KCNH8: variants seen among roughly 807,000 people sequenced by gnomAD.
KCNH8 encodes the protein potassium voltage-gated channel subfamily H member 8, also known as voltage-gated delayed rectifier potassium channel KCNH8.
In KCNH8, 70 loss-of-function variants were observed where a neutral mutation model predicts 103.6. That is an observed-to-expected ratio of 0.68 (90% CI 0.56 to 0.82). KCNH8 has a LOEUF of 0.82. Among genes scored for constraint, KCNH8 ranks in the 40% least tolerant of loss-of-function variants. KCNH8 has a pLI of 0.00. For synonymous variants in KCNH8, 498 were observed against 489.4 expected, an observed-to-expected ratio of 1.02 and a Z score of -0.23; for missense variants, 1,217 against 1,329.9, an observed-to-expected ratio of 0.92 and a Z score of 1.32.
intron 1 of KCNH8, among the ~76,000 whole-genome samples, chr3:19,223,264 C>T (rs184497314): frequency 7.2e-5 from 11 of 152,224 alleles, no homozygotes; most frequent in East Asian, 1.9e-4. Context: ...AAGGTCTCAA[C>T]GTAAAATTAA....
chr3:19,323,686 A>G (rs2065381699), intron 3 of KCNH8, among the ~76,000 whole-genome samples: 1 of 152,112 alleles, frequency 6.6e-6, no homozygotes, highest in African/African-American at 2.4e-5. Flanking sequence ...TTTTTGTCCC[A>G]CAGGATGCTC....
intron 11 of KCNH8, among the ~76,000 whole-genome samples, chr3:19,464,563 A>G (rs370038571): frequency 3.2e-3 from 486 of 152,314 alleles, no homozygotes; most frequent in Middle Eastern, 0.014. Flanking sequence ...ATTCATCAAA[A>G]GACAGCAGTA....
intron 5 of KCNH8, among the ~76,000 whole-genome samples, chr3:19,372,631 A>G (rs544240267): frequency 2.0e-5 from 3 of 152,156 alleles, no homozygotes; most frequent in Non-Finnish European, 2.9e-5. Flanking sequence ...TGCCCTGGCC[A>G]GAACTTCCAA....
intron 10 of KCNH8, among the ~76,000 whole-genome samples, chr3:19,454,647 C>A (rs1227155150): frequency 6.6e-6 from 1 of 152,066 alleles, no homozygotes; most frequent in Non-Finnish European, 1.5e-5. Context: ...CATTGCTAGT[C>A]AAATATGATT....
intron 1 of KCNH8, among the ~76,000 whole-genome samples, chr3:19,161,013 A>T (rs1284784584): frequency 6.6e-6 from 1 of 152,164 alleles, no homozygotes; most frequent in Non-Finnish European, 1.5e-5. Context: ...TAAAAGAGTG[A>T]GAAGAGGAAA....
intron 11 of KCNH8, among the ~76,000 whole-genome samples, chr3:19,510,154 T>C (rs1229159057): frequency 6.6e-6 from 1 of 152,156 alleles, no homozygotes; most frequent in Non-Finnish European, 1.5e-5. Context: ...GTAGTGGTCC[T>C]AGAGGATAGG....
At chr3:19,491,021 T>G (rs2068308514) in intron 11 of KCNH8, among the ~76,000 whole-genome samples, 1 of 152,208 alleles carries the variant, frequency 6.6e-6, no homozygotes, top group South Asian at 2.1e-4. Flanking sequence ...GAATCTGGAT[T>G]GGTATGAAGT....
At chr3:19,173,764 A>G (rs1303544792) in intron 1 of KCNH8, among the ~76,000 whole-genome samples, 1 of 152,174 alleles carries the variant, frequency 6.6e-6, no homozygotes, top group East Asian at 1.9e-4. Context: ...ATAAATTCAC[A>G]TAACAAAGGA....
At chr3:19,391,705 G>A (rs2066440193) in intron 6 of KCNH8, 1 of 151,948 alleles carries the variant, frequency 6.6e-6, no homozygotes, top group Admixed American at 6.6e-5. Context: ...GAGGTTGACA[G>A]TGCCAACATC....
At chr3:19,211,241 T>C (rs2063768131) in intron 1 of KCNH8, among the ~76,000 whole-genome samples, 1 of 152,188 alleles carries the variant, frequency 6.6e-6, no homozygotes, top group South Asian at 2.1e-4. Flanking sequence ...TATGTGAGTA[T>C]GACAGTCAAA....
rs773928585 is a variant in KCNH8, at chr3:19,482,467, C to G, written c.2040+25485C>G. Among the ~76,000 whole-genome samples the G allele has an allele frequency of 1.3e-5, 2 of 152,170 alleles. 1 individual carries two copies. Among genetic ancestry groups the G allele is most frequent in the South Asian group, 4.2e-4 (2 of 4,814 alleles). Reference sequence around the variant, plus strand: ...ACCTATGTCTTTTTGCAAGACAGATCGATAGTAATTCATACAGTACACTTG... The same window carrying G: ...ACCTATGTCTTTTTGCAAGACAGATGGATAGTAATTCATACAGTACACTTG... On this transcript the variant is annotated intron_variant, in intron 11 of 15. Coordinates refer to ENST00000328405, the MANE Select transcript of KCNH8 (RefSeq NM_144633.3).
chr3:19,169,211 C>T (rs560568399), intron 1 of KCNH8, among the ~76,000 whole-genome samples: 3 of 151,764 alleles, frequency 2.0e-5, no homozygotes, highest in African/African-American at 7.3e-5. Context: ...AACTCCACCC[C>T]AAATCTCCAA....
rs186409406 is a variant in KCNH8 at position 19,416,419 on chromosome 3, A to G, written c.1177+21108A>G. Among the ~76,000 whole-genome samples the G allele has an allele frequency of 3.5e-3, 528 of 152,218 alleles. 3 individuals carry two copies. The highest frequency in any genetic ancestry group is 0.012 in the African/African-American group (503 of 41,532). On this transcript the variant is annotated intron_variant, in intron 7 of 15. Transcript: ENST00000328405. ...GTTCAGTTTGTGTTTTATAGTTCAA[A>G]TATTTTTATTAGGTCAAGCTTCTGA...
intron 2 of KCNH8, among the ~76,000 whole-genome samples, chr3:19,258,905 TTCTCTCTCTC>T (rs755488116): frequency 0.01 from 430 of 42,988 alleles, 7 homozygotes; most frequent in African/African-American, 0.018. Flanking sequence ...TATTTTCTGT[TTCTCTCTCTC>T]TCTCTCTCTC....
In KCNH8 at chr3:19,298,917, G is replaced by A. The variant is rs1215736548; in HGVS notation, c.442+17588G>A. ...GGCCTGGGCGACCTAGCGAGACTCCGTCTCAAAAAAAAAAAAAAAAAAAAA... is the reference window on the plus strand; with the variant it reads ...GGCCTGGGCGACCTAGCGAGACTCCATCTCAAAAAAAAAAAAAAAAAAAAA... On this transcript the variant is annotated intron_variant, in intron 3 of 15. Coordinates refer to ENST00000328405, the MANE Select transcript of KCNH8 (RefSeq NM_144633.3). Among the ~76,000 whole-genome samples, 90 of 101,924 alleles carry A rather than the reference G, an allele frequency of 8.8e-4. 1 individual carries two copies. Among genetic ancestry groups the A allele is most frequent in the African/African-American group, 2.0e-3 (54 of 27,540 alleles). 66.9% of individuals were successfully genotyped at this position (101,924 alleles called of 152,430 possible).
chr3:19,326,489 C>T (rs1454698503), intron 3 of KCNH8, among the ~76,000 whole-genome samples: 6 of 151,590 alleles, frequency 4.0e-5, no homozygotes, highest in Non-Finnish European at 7.4e-5. Flanking sequence ...ACTTTTTAAA[C>T]TCCTTTTTCT....
intron 7 of KCNH8, among the ~76,000 whole-genome samples, chr3:19,401,229 C>T (rs908100423): frequency 6.6e-6 from 1 of 151,856 alleles, no homozygotes; most frequent in African/African-American, 2.4e-5. Context: ...TCCTGCACAC[C>T]GGACTGTGGG....
At chr3:19,364,308 C>G (rs1377219146) in intron 5 of KCNH8, among the ~76,000 whole-genome samples, 1 of 152,114 alleles carries the variant, frequency 6.6e-6, no homozygotes, top group Non-Finnish European at 1.5e-5. Context: ...TCACGCTAAT[C>G]TAGGATTGAG....
At chr3:19,481,738 C>G (rs909958509) in intron 11 of KCNH8, among the ~76,000 whole-genome samples, 1 of 152,104 alleles carries the variant, frequency 6.6e-6, no homozygotes, top group Non-Finnish European at 1.5e-5. Flanking sequence ...TCATCAAAAC[C>G]CTGTGCTGGA....
Sources: allele counts gnomAD v4.1 joint callset (sites outside exome capture counted in the v4.1 genomes callset), GRCh38; gene constraint gnomAD v4.1.1; transcripts MANE v1.5; gene names NCBI Gene and HGNC (gene_info 2026-07-23, HGNC 2026-07-21).